The following FOXJ3 variants were observed in gnomAD, a reference collection of about 807,000 sequenced individuals.
The protein encoded by FOXJ3 is forkhead box protein J3.
Under a neutral mutation model 76.1 loss-of-function variants are expected in FOXJ3, and 22 were observed. That is an observed-to-expected ratio of 0.29 (90% CI 0.21 to 0.41). The LOEUF is 0.41. Among genes scored for constraint, FOXJ3 ranks in the 10% least tolerant of loss-of-function variants. The pLI is 1.00. For missense variants in FOXJ3, 613 were observed against 762.1 expected (o/e 0.80, Z 2.30); for synonymous variants, 269 against 261.2 (o/e 1.03, Z -0.29).
At chr1:42,274,935 A>C (rs1383812655) in intron 3 of FOXJ3, among the ~76,000 whole-genome samples, 2 of 152,194 alleles carry the variant, frequency 1.3e-5, no homozygotes, top group African/African-American at 4.8e-5. Flanking sequence ...AAAAAACAAA[A>C]GCAAGAAGGA....
intron 1 of FOXJ3, among the ~76,000 whole-genome samples, chr1:42,312,367 A>C (rs1557717855): frequency 6.6e-6 from 1 of 152,090 alleles, no homozygotes. Context: ...CCTGATTTTC[A>C]TTTCCTAAAT....
At chr1:42,321,466 G>A (rs1204753210) in intron 1 of FOXJ3, among the ~76,000 whole-genome samples, 2 of 152,132 alleles carry the variant, frequency 1.3e-5, no homozygotes, top group Non-Finnish European at 2.9e-5. Context: ...GAGGTAATTA[G>A]AGATCCAGGT....
Position 42,227,897 on chromosome 1 carries a change from G to T in FOXJ3, c.514C>A (p.Arg172=), listed in dbSNP as rs1647702839. 6.4e-7 allele frequency: 1 copy of T among 1,570,360 alleles called. No homozygotes were observed. Among genetic ancestry groups the T allele is most frequent in the Non-Finnish European group, 8.7e-7 (1 of 1,148,536 alleles). ...AGAGCCTTTACCCGTTCTACAGATC[G>T]TGCCCTCTTCTTTGGCCGAGTAGGC... ...VLPTRPKKRA[R]SVERASTPYS... is the part of the protein sequence containing the mutation. Residue 172 remains arginine (R), a synonymous_variant, in exon 5 of 13, where the codon CGA becomes AGA. Coordinates refer to ENST00000361346, the MANE Select transcript of FOXJ3 (RefSeq NM_014947.5).
intron 3 of FOXJ3, among the ~76,000 whole-genome samples, chr1:42,275,838 A>C (rs1408068475): frequency 6.6e-6 from 1 of 152,208 alleles, no homozygotes; most frequent in Non-Finnish European, 1.5e-5. Flanking sequence ...AAAAGGGCTA[A>C]GCAAACAGAA....
intron 11 of FOXJ3, among the ~76,000 whole-genome samples, chr1:42,186,477 G>A (rs953740521): frequency 2.6e-5 from 4 of 152,112 alleles, no homozygotes; most frequent in South Asian, 2.1e-4. Flanking sequence ...TGAGAATCAC[G>A]AAGGTGTCAT....
At chr1:42,220,714 C>T (rs1004943993) in intron 5 of FOXJ3, among the ~76,000 whole-genome samples, 1 of 152,128 alleles carries the variant, frequency 6.6e-6, no homozygotes, top group Admixed American at 6.5e-5. Flanking sequence ...CCAATGAGAT[C>T]GAGCTCTAGG....
chr1:42,326,104 A>T (rs1655812831), intron 1 of FOXJ3, among the ~76,000 whole-genome samples: 1 of 152,134 alleles, frequency 6.6e-6, no homozygotes, highest in African/African-American at 2.4e-5. Context: ...TACAAAAATT[A>T]GCCAGGCGTG....
intron 3 of FOXJ3, among the ~76,000 whole-genome samples, chr1:42,265,905 T>A (rs961561963): frequency 2.0e-5 from 3 of 152,180 alleles, no homozygotes; most frequent in African/African-American, 7.2e-5. Context: ...CTTGGAAACC[T>A]GCAGAGTCTG....
At chr1:42,278,808 T>C in intron 2 of FOXJ3, 136 bp from the exon 3 acceptor site, 1 of 622,230 alleles carries the variant, frequency 1.6e-6, no homozygotes, top group South Asian at 2.4e-5. Flanking sequence ...ATTGAGTATG[T>C]TAATGAGCAA....
chr1:42,224,272 T>TA (rs1341960862), intron 5 of FOXJ3, among the ~76,000 whole-genome samples: 2 of 152,134 alleles, frequency 1.3e-5, no homozygotes, highest in African/African-American at 4.8e-5. Flanking sequence ...ATTATATGAT[T>TA]AAAAAATGAT....
chr1:42,307,012 G>A (rs770842843), intron 2 of FOXJ3, among the ~76,000 whole-genome samples: 4 of 152,112 alleles, frequency 2.6e-5, no homozygotes, highest in African/African-American at 7.2e-5. Flanking sequence ...CCACATTCCT[G>A]CTTTGCCAGC....
intron 4 of FOXJ3, among the ~76,000 whole-genome samples, chr1:42,249,205 C>A (rs1457822445): frequency 6.6e-6 from 1 of 152,072 alleles, no homozygotes; most frequent in Non-Finnish European, 1.5e-5. Context: ...AATAAACATA[C>A]ATGTGCATGT....
chr1:42,317,581 A>G (rs1655192620), intron 1 of FOXJ3, among the ~76,000 whole-genome samples: 1 of 151,484 alleles, frequency 6.6e-6, no homozygotes, highest in East Asian at 1.9e-4. Flanking sequence ...TATAAGAGAG[A>G]GAAAGGCAAT....
chr1:42,319,293 T>C (rs1041408559), intron 1 of FOXJ3, among the ~76,000 whole-genome samples: 1 of 152,200 alleles, frequency 6.6e-6, no homozygotes, highest in South Asian at 2.1e-4. Flanking sequence ...TGAATGGATG[T>C]GTTATATCCA....
chr1:42,235,516 G>C (rs890696364), intron 4 of FOXJ3, among the ~76,000 whole-genome samples: 2 of 151,964 alleles, frequency 1.3e-5, no homozygotes, highest in South Asian at 2.1e-4. Flanking sequence ...CTGTAGACTG[G>C]AGCTGTTCCT....
chr1:42,258,316 C>T (rs1264147271), intron 4 of FOXJ3, among the ~76,000 whole-genome samples: 1 of 152,194 alleles, frequency 6.6e-6, no homozygotes, highest in Non-Finnish European at 1.5e-5. Flanking sequence ...CTGGTAACTG[C>T]TCAGGCACAG....
chr1:42,200,063 T>G (rs901978652), intron 6 of FOXJ3, among the ~76,000 whole-genome samples: 1 of 148,700 alleles, frequency 6.7e-6, no homozygotes, highest in Non-Finnish European at 1.5e-5. Flanking sequence ...TAATACATAT[T>G]ATCACGAATA....
At chr1:42,266,348 T>C (rs768079447) in intron 3 of FOXJ3, among the ~76,000 whole-genome samples, 3 of 152,056 alleles carry the variant, frequency 2.0e-5, no homozygotes, top group Middle Eastern at 3.4e-3. Flanking sequence ...GAGAAAACCC[T>C]AGGTAAGCTT....
At chr1:42,328,079 GC>G (rs987057171) in intron 1 of FOXJ3, among the ~76,000 whole-genome samples, 1 of 152,156 alleles carries the variant, frequency 6.6e-6, no homozygotes, top group African/African-American at 2.4e-5. Context: ...GGAGGAAGAG[GC>G]CAAGAGTTCA....
Sources: allele counts gnomAD v4.1 joint callset (sites outside exome capture counted in the v4.1 genomes callset), GRCh38; gene constraint gnomAD v4.1.1; transcripts MANE v1.5; gene names NCBI Gene and HGNC (gene_info 2026-07-23, HGNC 2026-07-21).